Variants in TACC1 observed in about 807,000 individuals in gnomAD.
TACC1 encodes transforming acidic coiled-coil-containing protein 1.
A neutral mutation model predicts 84.4 loss-of-function variants in TACC1; 48 were observed. That is an observed-to-expected ratio of 0.57 (90% CI 0.45 to 0.72). The LOEUF (loss-of-function observed/expected upper bound fraction) is 0.72. Among genes scored for constraint, TACC1 ranks in the 30% least tolerant of loss-of-function variants. The probability of loss-of-function intolerance (pLI) is 0.00; values close to 1 mark genes in which losing one functional copy is unlikely to be tolerated. For missense variants in TACC1, 920 were observed against 973.0 expected, an observed-to-expected ratio of 0.95 and a Z score of 0.72; for synonymous variants, 372 against 376.3, an observed-to-expected ratio of 0.99 and a Z score of 0.13.
At position 38,787,698 on chromosome 8, in the gene TACC1, C is replaced by A. The variant is rs1343052181; in HGVS notation, c.116C>A (p.Pro39His). The change falls in exon 1 of 13, where the codon CCC becomes CAC. Residue 39 changes from proline (P) to histidine (H), a missense_variant. Coordinates refer to ENST00000317827, the MANE Select transcript of TACC1 (RefSeq NM_006283.3). ...GAGGCTGGCGGGCCCGAGGGCGACC[C>A]CGAGGAGGAGGATTCGCAAGCCGAG... is the stretch of plus-strand genomic sequence containing the variant. ...EDEAGGPEGD[P>H]EEEDSQAETK... 2 of 1,538,508 alleles carry A rather than the reference C, an allele frequency of 1.3e-6. No homozygotes were observed. Among genetic ancestry groups the A allele is most frequent in the Non-Finnish European group, 1.7e-6 (2 of 1,148,670 alleles).
chr8:38,847,609 G>C (rs1832558030), intron 12 of TACC1, among the ~76,000 whole-genome samples: 1 of 152,192 alleles, frequency 6.6e-6, no homozygotes, highest in Non-Finnish European at 1.5e-5. Context: ...AGCATCCCTA[G>C]ATATGCTAAT....
At chr8:38,760,728 G>A (rs1012562560) in intron 3 of TACC1, among the ~76,000 whole-genome samples, 2 of 152,058 alleles carry the variant, frequency 1.3e-5, no homozygotes, top group African/African-American at 4.8e-5. Context: ...TGCCATGTTG[G>A]CCAGGCTGGT....
At chr8:38,818,700 G>T (rs1825981971) in intron 2 of TACC1, among the ~76,000 whole-genome samples, 1 of 150,976 alleles carries the variant, frequency 6.6e-6, no homozygotes, top group African/African-American at 2.4e-5. Context: ...ACAGAGAGAT[G>T]ATTCTGAGCT....
chr8:38,755,747 AACAAC>A (rs915412330), intron 3 of TACC1, among the ~76,000 whole-genome samples: 4 of 93,740 alleles, frequency 4.3e-5, no homozygotes, highest in Non-Finnish European at 1.1e-4. Context: ...CAACAACAAC[AACAAC>A]AGAGTGTTCC....
chr8:38,738,313 G>A (rs1806385070), intron 1 of TACC1, among the ~76,000 whole-genome samples: 1 of 152,046 alleles, frequency 6.6e-6, no homozygotes, highest in Admixed American at 6.5e-5. Flanking sequence ...GTAGGCTCAG[G>A]CAGGAGGATC....
At chr8:38,793,675 T>C (rs1819296338) in intron 2 of TACC1, among the ~76,000 whole-genome samples, 1 of 152,060 alleles carries the variant, frequency 6.6e-6, no homozygotes, top group Admixed American at 6.5e-5. Flanking sequence ...GCTCCAGGGC[T>C]CAAGTAAGTG....
At chr8:38,789,884 G>T (rs369601633) in intron 2 of TACC1, among the ~76,000 whole-genome samples, 1 of 152,208 alleles carries the variant, frequency 6.6e-6, no homozygotes, top group African/African-American at 2.4e-5. Flanking sequence ...TGAAGTCAGC[G>T]TGGTCAGAGG....
intron 2 of TACC1, among the ~76,000 whole-genome samples, chr8:38,789,366 G>A (rs553987387): frequency 2.5e-4 from 38 of 152,264 alleles, no homozygotes; most frequent in African/African-American, 7.7e-4. Context: ...AGCTTCCGTT[G>A]TCTCACTTAA....
intron 3 of TACC1, among the ~76,000 whole-genome samples, chr8:38,754,195 A>G (rs989943820): frequency 1.3e-5 from 2 of 151,992 alleles, no homozygotes; most frequent in Non-Finnish European, 2.9e-5. Context: ...CTCAAGTGCC[A>G]CCTGCCTCAG....
chr8:38,742,342 C>G (rs537757640), intron 1 of TACC1: 10 of 1,295,318 alleles, frequency 7.7e-6, no homozygotes, highest in Middle Eastern at 1.9e-4. Flanking sequence ...TGACTTAATT[C>G]TCTTCCAGTC....
chr8:38,841,493 A>C (rs1157333475), intron 9 of TACC1, among the ~76,000 whole-genome samples: 2 of 152,232 alleles, frequency 1.3e-5, no homozygotes, highest in Non-Finnish European at 2.9e-5. Flanking sequence ...ATATCAGGTG[A>C]CTAAAGCATT....
At chr8:38,763,855 T>C (rs1811699003) in intron 3 of TACC1, among the ~76,000 whole-genome samples, 1 of 152,208 alleles carries the variant, frequency 6.6e-6, no homozygotes, top group Admixed American at 6.5e-5. Context: ...TCATTTTTGC[T>C]CATATAAACA....
At chr8:38,817,153 A>G (rs1273169959) in intron 2 of TACC1, among the ~76,000 whole-genome samples, 1 of 152,212 alleles carries the variant, frequency 6.6e-6, no homozygotes, top group Non-Finnish European at 1.5e-5. Flanking sequence ...ACTTAAAAGG[A>G]GTGATAACTA....
In TACC1 at chr8:38,737,026, C is replaced by A. The variant is rs1806097803; in HGVS notation, c.-674-5325C>A. Among the ~76,000 whole-genome samples the A allele has an allele frequency of 5.3e-5, 8 of 152,224 alleles. No individual in the cohort carries two copies. The South Asian group carries it at 1.4e-3, about 28-fold the overall frequency. On this transcript the variant is annotated intron_variant, in intron 1 of 14. Coordinates refer to the TACC1 transcript ENST00000518415. ...TTTAGGGCATGGAAGTCATTTGACTCAAGGGTTGGATCCTAGAGGTCAAGA... is the reference window on the plus strand; with the variant it reads ...TTTAGGGCATGGAAGTCATTTGACTAAAGGGTTGGATCCTAGAGGTCAAGA...
intron 3 of TACC1, among the ~76,000 whole-genome samples, chr8:38,822,701 C>A (rs2152230619): frequency 6.6e-6 from 1 of 152,230 alleles, no homozygotes; most frequent in African/African-American, 2.4e-5. Context: ...CATAAGTTTT[C>A]TTTGTGTAAA....
chr8:38,787,586 G>T lies in TACC1; in HGVS notation c.4G>T (p.Ala2Ser), dbSNP rs1419401327. ...TGGAGCCGGAGGAGCCGCGCTCATG[G>T]CGTTCAGCCCGTGGCAGATCCTGTC... is the stretch of plus-strand genomic sequence containing the variant. M[A>S]FSPWQILSPV... The change falls in exon 1 of 13, where the codon GCG (alanine) becomes TCG (serine). Residue 2 changes from alanine to serine, a missense_variant. Physicochemically the swap from Ala to Ser is moderately conservative, Grantham distance 99. Coordinates refer to ENST00000317827, the MANE Select transcript of TACC1 (RefSeq NM_006283.3). The T allele has an allele frequency of 6.5e-7, 1 of 1,540,276 alleles. No individual in the cohort carries two copies. Among genetic ancestry groups the T allele is most frequent in the Non-Finnish European group, 8.8e-7 (1 of 1,142,136 alleles).
chr8:38,740,310 G>T (rs536086236), intron 1 of TACC1, among the ~76,000 whole-genome samples: 1 of 152,170 alleles, frequency 6.6e-6, no homozygotes, highest in Non-Finnish European at 1.5e-5. Flanking sequence ...CTTTGCTCAA[G>T]CCTCTGCTTC....
intron 3 of TACC1, among the ~76,000 whole-genome samples, chr8:38,769,940 G>T (rs539043614): frequency 2.6e-5 from 4 of 150,950 alleles, no homozygotes; most frequent in Non-Finnish European, 5.9e-5. Context: ...GTGTGACTGT[G>T]TGTATGGTGT....
intron 2 of TACC1, among the ~76,000 whole-genome samples, chr8:38,797,887 T>C (rs1441244789): frequency 1.3e-5 from 2 of 152,224 alleles, no homozygotes; most frequent in Non-Finnish European, 2.9e-5. Flanking sequence ...CTATGATTTC[T>C]GTCTGTGGAA....
Sources: gnomAD v4.1 joint callset for allele counts (sites outside exome capture counted in the v4.1 genomes callset) on GRCh38, gnomAD v4.1.1 for gene constraint, MANE v1.5 for transcripts, NCBI Gene and HGNC (gene_info 2026-07-23, HGNC 2026-07-21) for gene names.